The following CLTCL1 variants were observed in gnomAD, a reference collection of about 807,000 sequenced individuals.
CLTCL1 encodes clathrin heavy chain like 1, also known as clathrin heavy chain 2.
CLTCL1 carries 159 observed loss-of-function variants against 190.0 expected under a neutral mutation model. That is an observed-to-expected ratio of 0.84 (90% CI 0.74 to 0.95). The LOEUF is 0.95. Ranked by LOEUF, CLTCL1 falls within the 40% of genes least tolerant of loss-of-function variation. The pLI, the probability that CLTCL1 is intolerant of heterozygous loss-of-function variation, is 0.00. For synonymous variants in CLTCL1, 752 were observed against 769.6 expected, an observed-to-expected ratio of 0.98 and a Z score of 0.38; for missense variants, 1,878 against 2,033.4, an observed-to-expected ratio of 0.92 and a Z score of 1.47.
intron 2 of CLTCL1, among the ~76,000 whole-genome samples, chr22:19,269,455 C>A (rs1194052823): frequency 6.6e-6 from 1 of 152,072 alleles, no homozygotes; most frequent in East Asian, 1.9e-4. Context: ...CTACTCCACC[C>A]AAGAGAAATG....
In CLTCL1 at chr22:19,226,211, C is replaced by T. The variant is rs2085739050; in HGVS notation, c.1947+8G>A. On this transcript the variant is annotated splice_region_variant and intron_variant, in intron 12 of 32. Transcript: ENST00000427926. ...GCCATAATAGGAGTGCCCAGGGGTA[C>T]ACAGTACCTCGGGATTGAGGAGGTG... The T allele has an allele frequency of 5.0e-6, 8 of 1,613,074 alleles. No homozygotes were observed. The highest frequency in any genetic ancestry group is 6.8e-6 in the Non-Finnish European group (8 of 1,179,584).
In CLTCL1 at chr22:19,242,047, A is replaced by C. The variant is rs150521606; in HGVS notation, c.681+728T>G. ...AACCTCTGCCTCCTAGGTTCAAGCAATTCTCCTGCCTCAGCCTCCTGAGTA... is the reference window on the plus strand; with the variant it reads ...AACCTCTGCCTCCTAGGTTCAAGCACTTCTCCTGCCTCAGCCTCCTGAGTA... On this transcript the variant is annotated intron_variant, in intron 4 of 32. Coordinates refer to ENST00000427926, the MANE Select transcript of CLTCL1 (RefSeq NM_007098.4). Among the ~76,000 whole-genome samples the C allele has an allele frequency of 2.2e-3, 334 of 150,504 alleles. 10 individuals carry two copies. In the East Asian group the frequency reaches 0.058, roughly 26 times the overall value.
chr22:19,179,843 C>T lies in CLTCL1; in HGVS notation c.*147G>A, dbSNP rs938808794. 2 of 313,518 alleles carry T rather than the reference C, an allele frequency of 6.4e-6. No homozygotes were observed. Among genetic ancestry groups the T allele is most frequent in the African/African-American group, 4.2e-5 (2 of 47,230 alleles). The allele number at this position is 313,518 out of a possible 1,614,324, so 19.4% of individuals were successfully genotyped here. ...ACATGCTCCTTGGAGAAGTTAGTAA[C>T]TCTGCAGGTAGGGTGGGTGGTGACA... On this transcript the variant is annotated 3_prime_UTR_variant, in exon 33 of 33. Transcript: ENST00000427926.
chr22:19,184,081 C>T (rs1555927185), intron 29 of CLTCL1: 2 of 254,744 alleles, frequency 7.9e-6, no homozygotes, highest in South Asian at 4.6e-5. Context: ...TTCATCCTTG[C>T]AAATGTATTT....
intron 2 of CLTCL1, among the ~76,000 whole-genome samples, chr22:19,268,510 G>A (rs942402580): frequency 6.6e-6 from 1 of 151,334 alleles, no homozygotes; most frequent in Non-Finnish European, 1.5e-5. Flanking sequence ...ATAATAAGAT[G>A]GACAACACAA....
At chr22:19,254,880 CA>C (rs1407194114) in intron 2 of CLTCL1, among the ~76,000 whole-genome samples, 1 of 152,136 alleles carries the variant, frequency 6.6e-6, no homozygotes, top group Non-Finnish European at 1.5e-5. Flanking sequence ...TAGGGCAGTA[CA>C]ATTCTAGACA....
chr22:19,267,564 T>A (rs782663841), intron 2 of CLTCL1, among the ~76,000 whole-genome samples: 23 of 152,154 alleles, frequency 1.5e-4, no homozygotes, highest in Non-Finnish European at 3.2e-4. Flanking sequence ...CAAATTACCA[T>A]AAAGCTACAA....
At chr22:19,249,008 G>C (rs1555968933) in intron 3 of CLTCL1, among the ~76,000 whole-genome samples, 1 of 152,058 alleles carries the variant, frequency 6.6e-6, no homozygotes, top group African/African-American at 2.4e-5. Flanking sequence ...TTTTTTCACT[G>C]AACTGTCTTG....
At chr22:19,247,377 G>C (rs2086449822) in intron 3 of CLTCL1, among the ~76,000 whole-genome samples, 2 of 152,120 alleles carry the variant, frequency 1.3e-5, no homozygotes. Flanking sequence ...TGCCCATGAG[G>C]TGTTTTGTTG....
intron 17 of CLTCL1, 114 bp from the exon 18 acceptor site, chr22:19,220,121 G>A (rs2085522184): frequency 7.5e-7 from 1 of 1,334,518 alleles, no homozygotes; most frequent in African/African-American, 1.4e-5. Context: ...TGGACAGTCA[G>A]GGCCCAGGCA....
intron 26 of CLTCL1, among the ~76,000 whole-genome samples, chr22:19,195,078 C>G (rs530624514): frequency 6.6e-6 from 1 of 152,328 alleles, no homozygotes; most frequent in East Asian, 1.9e-4. Flanking sequence ...ATGGCCACTT[C>G]CACCACGGCT....
At chr22:19,222,429 G>C (rs911276181) in intron 15 of CLTCL1, among the ~76,000 whole-genome samples, 13 of 152,324 alleles carry the variant, frequency 8.5e-5, no homozygotes, top group African/African-American at 3.1e-4. Flanking sequence ...GTGGGAGACA[G>C]CCTTCACCAG....
intron 2 of CLTCL1, chr22:19,257,655 C>T (rs2086803972): frequency 4.2e-6 from 2 of 478,742 alleles, no homozygotes; most frequent in Admixed American, 3.1e-5. Flanking sequence ...TTTGGGCTCC[C>T]AGATCTCTGT....
Position 19,187,753 on chromosome 22 carries a change from G to C in CLTCL1, c.4435-25C>G, listed in dbSNP as rs201078077. 1.9e-4 allele frequency: 305 copies of C among 1,609,408 alleles called. 3 individuals carry two copies. In the Admixed American group the frequency reaches 5.0e-3, roughly 26 times the overall value. On this transcript the variant is annotated intron_variant, in intron 28 of 32. Transcript: ENST00000427926. ...CCTAGGAAGACAGCCTTTCTGTGAG[G>C]GATGGGACACTGACATGGGCTGCCT...
chr22:19,190,616 A>T (rs1399399599), intron 27 of CLTCL1, among the ~76,000 whole-genome samples: 1 of 151,486 alleles, frequency 6.6e-6, no homozygotes, highest in Non-Finnish European at 1.5e-5. Flanking sequence ...AAAAAAAAAA[A>T]AAAGATCACT....
At chr22:19,263,104 T>C (rs2087005566) in intron 2 of CLTCL1, among the ~76,000 whole-genome samples, 2 of 150,758 alleles carry the variant, frequency 1.3e-5, no homozygotes, top group Admixed American at 1.3e-4. Context: ...AATAAATAAA[T>C]AGATTATTCA....
chr22:19,179,809 G>A lies in CLTCL1; in HGVS notation c.*181C>T. On this transcript the variant is annotated 3_prime_UTR_variant, in exon 33 of 33. Transcript: ENST00000427926. ...TGCCTCCCATTGCGTCCCCTGTGCT[G>A]CTGGAGTGACATGCTCCTTGGAGAA... 1 of 248,950 alleles carries A rather than the reference G, an allele frequency of 4.0e-6. No individual in the cohort carries two copies. The highest frequency in any genetic ancestry group is 7.9e-6 in the Non-Finnish European group (1 of 127,060). The allele number at this position is 248,950 out of a possible 1,614,324, so 15.4% of individuals were successfully genotyped here.
intron 21 of CLTCL1, 92 bp from the exon 22 acceptor site, chr22:19,208,403 T>C: frequency 6.9e-7 from 1 of 1,450,044 alleles, no homozygotes; most frequent in Non-Finnish European, 9.5e-7. Context: ...CCAGACACAT[T>C]TACCCTCCAG....
At chr22:19,225,385 T>TAGGC in intron 13 of CLTCL1, 68 bp downstream of exon 13, 1 of 1,455,918 alleles carries the variant, frequency 6.9e-7, no homozygotes, top group East Asian at 2.5e-5. Context: ...GGCGGGCAGG[T>TAGGC]AGGCAGCAAC....
Sources: allele counts gnomAD v4.1 joint callset (sites outside exome capture counted in the v4.1 genomes callset), GRCh38; gene constraint gnomAD v4.1.1; transcripts MANE v1.5; gene names NCBI Gene and HGNC (gene_info 2026-07-23, HGNC 2026-07-21).